Variants in AFG1L observed in about 807,000 individuals in gnomAD.
The protein encoded by AFG1L is AFG1 like ATPase, also known as AFG1-like ATPase.
AFG1L carries 53 observed loss-of-function variants against 62.2 expected under a neutral mutation model. That is an observed-to-expected ratio of 0.85 (90% CI 0.68 to 1.07). The LOEUF (loss-of-function observed/expected upper bound fraction) is 1.07. AFG1L is among the 50% of genes least tolerant of loss of function. The pLI, the probability that AFG1L is intolerant of heterozygous loss-of-function variation, is 0.00. For synonymous variants in AFG1L, 228 were observed against 210.3 expected (o/e 1.08, Z -0.73); for missense variants, 555 against 590.5 (o/e 0.94, Z 0.62).
chr6:108,374,316 A>C (rs1389910104), intron 6 of AFG1L, among the ~76,000 whole-genome samples: 1 of 152,074 alleles, frequency 6.6e-6, no homozygotes, highest in Non-Finnish European at 1.5e-5. Context: ...AGTTGCTTTT[A>C]CTGTGCAGAA....
chr6:108,524,739 T>C lies in AFG1L; in HGVS notation c.*2314T>C, dbSNP rs568071313. ...GAAGGGTTTATGCAGAAAGTGGGGC[T>C]AGAAGGCTTTGGCTGGATCTCTGGA... On this transcript the variant is annotated 3_prime_UTR_variant, in exon 13 of 13. Transcript: ENST00000368977. The C allele has an allele frequency of 1.7e-4, 26 of 152,310 alleles. No individual in the cohort carries two copies. Among genetic ancestry groups the C allele is most frequent in the African/African-American group, 5.5e-4 (23 of 41,558 alleles). The allele number at this position is 152,310 out of a possible 1,614,324, so 9.4% of individuals were successfully genotyped here.
intron 5 of AFG1L, among the ~76,000 whole-genome samples, chr6:108,357,847 T>C (rs925313657): frequency 1.3e-5 from 2 of 152,204 alleles, no homozygotes; most frequent in Non-Finnish European, 2.9e-5. Context: ...GCATGCATGA[T>C]TGGTCTCCTT....
At chr6:108,390,812 A>C (rs1781022777) in intron 6 of AFG1L, among the ~76,000 whole-genome samples, 1 of 152,234 alleles carries the variant, frequency 6.6e-6, no homozygotes, top group Non-Finnish European at 1.5e-5. Flanking sequence ...CTCCTGGGTC[A>C]GGGACCTACT....
At chr6:108,462,506 A>G (rs1772501823) in intron 8 of AFG1L, among the ~76,000 whole-genome samples, 1 of 152,236 alleles carries the variant, frequency 6.6e-6, no homozygotes, top group Admixed American at 6.5e-5. Context: ...CATTAACTCA[A>G]AAACTACTGA....
intron 1 of AFG1L, among the ~76,000 whole-genome samples, chr6:108,301,007 CTT>C (rs35293117): frequency 6.6e-6 from 1 of 152,118 alleles, no homozygotes; most frequent in Admixed American, 6.6e-5. Flanking sequence ...AGATGAATAT[CTT>C]TATGTGAACT....
intron 10 of AFG1L, among the ~76,000 whole-genome samples, chr6:108,486,056 C>T (rs117186205): frequency 6.1e-4 from 93 of 152,132 alleles, no homozygotes; most frequent in Middle Eastern, 3.4e-3. Flanking sequence ...TGTATCAGAG[C>T]TCTAAATAAT....
intron 2 of AFG1L, among the ~76,000 whole-genome samples, chr6:108,324,640 C>T (rs912964519): frequency 2.6e-5 from 4 of 151,966 alleles, no homozygotes; most frequent in Admixed American, 2.0e-4. Context: ...TGCATTCTGC[C>T]GACACCGCCT....
At chr6:108,348,314 G>A (rs367588206) in intron 3 of AFG1L, among the ~76,000 whole-genome samples, 1 of 152,182 alleles carries the variant, frequency 6.6e-6, no homozygotes, top group African/African-American at 2.4e-5. Flanking sequence ...TCCTGACCTC[G>A]TGATCCGCTC....
intron 12 of AFG1L, chr6:108,522,049 G>A: frequency 3.5e-6 from 1 of 283,306 alleles, no homozygotes; most frequent in Non-Finnish European, 6.8e-6. Flanking sequence ...CTTATTTCTG[G>A]TGTACACTTT....
rs139423713 is a variant in AFG1L at position 108,508,869 on chromosome 6, G to A, written c.1063-1343G>A. Among the ~76,000 whole-genome samples, 40 of 152,314 alleles carry A rather than the reference G, an allele frequency of 2.6e-4. No individual in the cohort carries two copies. In the East Asian group the frequency reaches 7.1e-3, roughly 27 times the overall value. Reference sequence around the variant, plus strand: ...TTCATGCAAAGGACTTCCCAAATGAGATAGACATTTCTGGACAGGGAGGAA... The same window carrying A: ...TTCATGCAAAGGACTTCCCAAATGAAATAGACATTTCTGGACAGGGAGGAA... On this transcript the variant is annotated intron_variant, in intron 10 of 12. Transcript: ENST00000368977.
At chr6:108,343,335 A>C (rs1227380786) in intron 2 of AFG1L, among the ~76,000 whole-genome samples, 1 of 147,690 alleles carries the variant, frequency 6.8e-6, no homozygotes, top group African/African-American at 2.4e-5. Context: ...GGTGTGAGCC[A>C]CCACGCCCGG....
At chr6:108,402,460 T>C (rs1781673179) in intron 7 of AFG1L, among the ~76,000 whole-genome samples, 1 of 104,728 alleles carries the variant, frequency 9.5e-6, no homozygotes, top group Admixed American at 1.2e-4. Flanking sequence ...CGAGACGCCG[T>C]CTCGAATAAA....
chr6:108,465,087 C>A (rs376898372), intron 8 of AFG1L, among the ~76,000 whole-genome samples: 4 of 152,184 alleles, frequency 2.6e-5, no homozygotes, highest in Non-Finnish European at 4.4e-5. Context: ...TCCACCTGAT[C>A]ATTTTTATGC....
chr6:108,413,550 A>G (rs1049037209), intron 7 of AFG1L, among the ~76,000 whole-genome samples: 40 of 152,314 alleles, frequency 2.6e-4, no homozygotes, highest in Admixed American at 9.8e-4. Context: ...AAAAGAACAG[A>G]AATTACAACA....
chr6:108,425,911 T>A (rs1770791781), intron 7 of AFG1L, among the ~76,000 whole-genome samples: 1 of 152,206 alleles, frequency 6.6e-6, no homozygotes, highest in Non-Finnish European at 1.5e-5. Context: ...TTATCAGCGA[T>A]AACAATTGAC....
chr6:108,362,269 A>G (rs1779570202), intron 5 of AFG1L, among the ~76,000 whole-genome samples: 1 of 152,194 alleles, frequency 6.6e-6, no homozygotes, highest in Admixed American at 6.5e-5. Context: ...TTAGGAAATA[A>G]TATGGTTGAT....
intron 3 of AFG1L, among the ~76,000 whole-genome samples, chr6:108,350,760 T>C (rs2152582): frequency 0.8 from 122,455 of 152,132 alleles, 51,234 homozygotes; most frequent in Non-Finnish European, 0.93. Context: ...TAAAAGTACA[T>C]TTTGCTTATC....
intron 2 of AFG1L, among the ~76,000 whole-genome samples, chr6:108,337,270 AG>A: frequency 6.6e-6 from 1 of 152,314 alleles, no homozygotes; most frequent in East Asian, 1.9e-4. Flanking sequence ...AATAGCCCTT[AG>A]GGCTCCTTTG....
At chr6:108,459,782 A>G (rs144823563) in intron 8 of AFG1L, among the ~76,000 whole-genome samples, 1 of 152,336 alleles carries the variant, frequency 6.6e-6, no homozygotes, top group African/African-American at 2.4e-5. Context: ...CACAAATTCT[A>G]TAATAATTGC....
Sources: allele counts gnomAD v4.1 joint callset (sites outside exome capture counted in the v4.1 genomes callset), GRCh38; gene constraint gnomAD v4.1.1; transcripts MANE v1.5; gene names NCBI Gene and HGNC (gene_info 2026-07-23, HGNC 2026-07-21).